SH3GL1: variants seen among roughly 807,000 people sequenced by gnomAD.
The protein encoded by SH3GL1 is endophilin-A2.
A neutral mutation model predicts 48.8 loss-of-function variants in SH3GL1; 21 were observed. The ratio of observed to expected loss-of-function variants is 0.43; its 90% CI spans 0.30 to 0.62. SH3GL1 has a LOEUF of 0.62. Among genes scored for constraint, SH3GL1 ranks in the 20% least tolerant of loss-of-function variants. The probability of loss-of-function intolerance (pLI) is 0.11; values close to 1 mark genes in which losing one functional copy is unlikely to be tolerated. For missense variants in SH3GL1, 454 were observed against 503.0 expected, an observed-to-expected ratio of 0.90 and a Z score of 0.93; for synonymous variants, 282 against 217.5, an observed-to-expected ratio of 1.30 and a Z score of -2.61.
chr19:4,372,458 G>C (rs1490199779), intron 1 of SH3GL1, among the ~76,000 whole-genome samples: 1 of 152,214 alleles, frequency 6.6e-6, no homozygotes, highest in Admixed American at 6.5e-5. Context: ...AGAAGCAGCA[G>C]AGTCCTTATC....
chr19:4,391,550 C>A (rs1973337659), intron 1 of SH3GL1, among the ~76,000 whole-genome samples: 1 of 152,174 alleles, frequency 6.6e-6, no homozygotes, highest in Non-Finnish European at 1.5e-5. Flanking sequence ...TGGCAGAAAT[C>A]GGAGTCTGAT....
chr19:4,395,001 A>G (rs552978037), intron 1 of SH3GL1, among the ~76,000 whole-genome samples: 1 of 152,392 alleles, frequency 6.6e-6, no homozygotes, highest in East Asian at 1.9e-4. Flanking sequence ...TCCCCGGCTG[A>G]CAGCGCTGAT....
intron 9 of SH3GL1, 22 bp downstream of exon 9, chr19:4,362,307 A>G (rs1207467065): frequency 1.2e-6 from 2 of 1,608,790 alleles, no homozygotes; most frequent in East Asian, 4.5e-5. Context: ...ACTGAGGTCG[A>G]GGCGGGCCTG....
At chr19:4,394,795 G>A (rs1183604973) in intron 1 of SH3GL1, among the ~76,000 whole-genome samples, 2 of 152,198 alleles carry the variant, frequency 1.3e-5, no homozygotes, top group Non-Finnish European at 2.9e-5. Flanking sequence ...TTTAAAGCAG[G>A]GTTTCTTAAG....
intron 1 of SH3GL1, among the ~76,000 whole-genome samples, chr19:4,384,527 G>C (rs1422079575): frequency 6.6e-6 from 1 of 152,148 alleles, no homozygotes; most frequent in South Asian, 2.1e-4. Context: ...ATATTGCCTA[G>C]GCTGGAGTGC....
chr19:4,363,341 C>T, intron 7 of SH3GL1, 29 bp downstream of exon 7: 2 of 1,549,080 alleles, frequency 1.3e-6, no homozygotes, highest in South Asian at 2.3e-5. Context: ...GCAGCCCAGA[C>T]TCTGGAGAGA....
chr19:4,374,985 G>A (rs550506940), intron 1 of SH3GL1, among the ~76,000 whole-genome samples: 39 of 152,190 alleles, frequency 2.6e-4, no homozygotes, highest in Non-Finnish European at 4.6e-4. Flanking sequence ...ACCTGGGCTC[G>A]GCTCTAATGA....
chr19:4,398,619 C>A (rs1973464561), intron 1 of SH3GL1, among the ~76,000 whole-genome samples: 1 of 152,082 alleles, frequency 6.6e-6, no homozygotes, highest in Non-Finnish European at 1.5e-5. Context: ...GTGATCCGCC[C>A]GCCTCGGCCT....
At position 4,362,708 on chromosome 19, in the gene SH3GL1, G is replaced by C; in HGVS notation, c.757C>G (p.Arg253Gly). 6.2e-7 allele frequency: 1 copy of C among 1,614,010 alleles called. No individual in the cohort carries two copies. Among genetic ancestry groups the C allele is most frequent in the South Asian group, 1.1e-5 (1 of 91,088 alleles). Reference sequence around the variant, plus strand: ...TCCCGGGGCTTGGGCTTATACTCCCGCTTAGGGCGTGAGGAAGCTTCCCGC... The same window carrying C: ...TCCCGGGGCTTGGGCTTATACTCCCCCTTAGGGCGTGAGGAAGCTTCCCGC... ...RMREASSRPK[R>G]EYKPKPREPF... is the part of the protein sequence containing the mutation. Residue 253 changes from arginine to glycine, a missense_variant, in exon 8 of 10, where the codon CGG (arginine) becomes GGG (glycine). Physicochemically the swap from Arg to Gly is moderately radical, Grantham distance 125. Coordinates refer to ENST00000269886, the MANE Select transcript of SH3GL1 (RefSeq NM_003025.4).
intron 1 of SH3GL1, among the ~76,000 whole-genome samples, chr19:4,368,821 C>T (rs558922424): frequency 6.6e-6 from 1 of 152,288 alleles, no homozygotes; most frequent in Non-Finnish European, 1.5e-5. Context: ...CCTGTAATCC[C>T]AGCACTTTGG....
At chr19:4,387,700 C>CG (rs1009697327) in intron 1 of SH3GL1, among the ~76,000 whole-genome samples, 69 of 152,108 alleles carry the variant, frequency 4.5e-4, no homozygotes, top group African/African-American at 1.6e-3. Flanking sequence ...ACTTACTGTG[C>CG]GGGGTTTTTT....
chr19:4,367,571 C>A lies in SH3GL1; in HGVS notation c.46-577G>T, dbSNP rs898583075. 1.3e-5 allele frequency among the ~76,000 whole-genome samples: 2 copies of A among 152,296 alleles called. No individual in the cohort carries two copies. The highest frequency in any genetic ancestry group is 3.4e-3 in the Middle Eastern group (1 of 294). On this transcript the variant is annotated intron_variant, in intron 1 of 9. Transcript: ENST00000269886. The surrounding 1 kb of genome is among the most constrained non-coding windows in gnomAD (Gnocchi z 4.2). ...GGATGGGACAGCCCAGCCCTTGCCC[C>A]ATGTGGACACTGAGTTTCACAAGGC... is the stretch of plus-strand genomic sequence containing the variant.
At position 4,393,195 on chromosome 19, in the gene SH3GL1, A is replaced by G. The variant is rs8109703; in HGVS notation, c.45+7129T>C. Among the ~76,000 whole-genome samples the G allele has an allele frequency of 5.0e-3, 768 of 152,182 alleles. 11 individuals carry two copies. Among genetic ancestry groups the G allele is most frequent in the African/African-American group, 0.017 (725 of 41,542 alleles). On this transcript the variant is annotated intron_variant, in intron 1 of 9. Transcript: ENST00000269886. ...AGAATTGCTTGAACCCAGGAGGCGG[A>G]GGTTGCAGTGAGGTGAGATTGCGCC...
intron 6 of SH3GL1, 112 bp downstream of exon 6, chr19:4,363,608 C>G: frequency 6.6e-7 from 1 of 1,504,688 alleles, no homozygotes; most frequent in South Asian, 1.1e-5. Context: ...CTCCACCTCC[C>G]CTGCTGCAGC....
Position 4,362,388 on chromosome 19 carries a change from A to G in SH3GL1, c.854-3T>C. On this transcript the variant is annotated splice_region_variant and splice_polypyrimidine_tract_variant and intron_variant, in intron 8 of 9. Coordinates refer to ENST00000269886, the MANE Select transcript of SH3GL1 (RefSeq NM_003025.4). ...GGAAGATCGGAAAGACGATGAAGCT[A>G]AACACAAGCAAAACGAGGAGGCTGT... 6.2e-7 allele frequency: 1 copy of G among 1,610,148 alleles called. No individual in the cohort carries two copies. The highest frequency in any genetic ancestry group is 8.5e-7 in the Non-Finnish European group (1 of 1,178,000).
chr19:4,372,144 C>T (rs1023128762), intron 1 of SH3GL1, among the ~76,000 whole-genome samples: 2 of 152,198 alleles, frequency 1.3e-5, no homozygotes, highest in African/African-American at 2.4e-5. Context: ...GACAACAGCC[C>T]CAGGACAAAG....
chr19:4,395,369 CAA>C (rs1368073182), intron 1 of SH3GL1, among the ~76,000 whole-genome samples: 6 of 152,160 alleles, frequency 3.9e-5, no homozygotes, highest in Admixed American at 2.0e-4. Flanking sequence ...TGTTTCCTCT[CAA>C]AGAGTTCCCT....
At chr19:4,394,236 A>G (rs184369603) in intron 1 of SH3GL1, among the ~76,000 whole-genome samples, 8 of 151,946 alleles carry the variant, frequency 5.3e-5, no homozygotes, top group African/African-American at 1.9e-4. Flanking sequence ...GAAGCCAGTT[A>G]GCAGCTTAAG....
chr19:4,390,235 AAGACAGGGCCGTCCT>A (rs1410186143), intron 1 of SH3GL1: 1 of 152,282 alleles, frequency 6.6e-6, no homozygotes, highest in Non-Finnish European at 1.5e-5. Context: ...GAGGAAAAGG[AAGACAGGGCCGTCCT>A]CCCAGAGCCT....
Sources: allele counts gnomAD v4.1 joint callset (sites outside exome capture counted in the v4.1 genomes callset), GRCh38; gene constraint gnomAD v4.1.1; non-coding constraint Gnocchi (gnomAD v3.1); transcripts MANE v1.5; gene names NCBI Gene and HGNC (gene_info 2026-07-23, HGNC 2026-07-21).